Variants in DNAH12 observed in about 807,000 individuals in gnomAD.
DNAH12 encodes axonemal beta dynein heavy chain 12.
DNAH12 carries 285 observed loss-of-function variants against 371.5 expected under a neutral mutation model. The observed-to-expected ratio is 0.77, with a 90% CI of 0.70 to 0.85. The LOEUF is 0.85. DNAH12 is among the 40% of genes least tolerant of loss of function. The pLI is 0.00. For missense variants in DNAH12, 3,611 were observed against 3,689.4 expected (o/e 0.98, Z 0.55); for synonymous variants, 1,200 against 1,213.0 (o/e 0.99, Z 0.22).
chr3:57,459,747 C>T lies in DNAH12; in HGVS notation c.2776G>A (p.Asp926Asn). The T allele has an allele frequency of 6.5e-7, 1 of 1,529,456 alleles. No individual in the cohort carries two copies. Among genetic ancestry groups the T allele is most frequent in the Non-Finnish European group, 8.8e-7 (1 of 1,131,950 alleles). The allele number at this position is 1,529,456 out of a possible 1,614,324, so 94.7% of individuals were successfully genotyped here. ...DRLIRIQETI[D>N]EWLKVQAQWL... ...TGAGCTTGTACTTTTAACCATTCAT[C>T]AATTGTTTCTTGTATTCGAATCAAG... Residue 926 changes from aspartate (D) to asparagine (N), a missense_variant, in exon 20 of 74, where the codon GAT (aspartate) becomes AAT (asparagine). Coordinates refer to ENST00000495027, the MANE Select transcript of DNAH12 (RefSeq NM_001366028.2).
Position 57,407,623 on chromosome 3 carries a change from G to A in DNAH12, c.6276+657C>T, listed in dbSNP as rs918278575. ...ATGAAGCTTCTAGAAAGTGTAGTTT[G>A]GTAAGATCATGACTGACGTGCCTTT... On this transcript the variant is annotated intron_variant, in intron 40 of 73. Coordinates refer to ENST00000495027, the MANE Select transcript of DNAH12 (RefSeq NM_001366028.2). 3.3e-5 allele frequency among the ~76,000 whole-genome samples: 5 copies of A among 152,184 alleles called. No homozygotes were observed. In the South Asian group the frequency reaches 1.0e-3, roughly 32 times the overall value.
At chr3:57,313,348 A>T (rs2061619025) in intron 66 of DNAH12, among the ~76,000 whole-genome samples, 1 of 152,158 alleles carries the variant, frequency 6.6e-6, no homozygotes, top group South Asian at 2.1e-4. Flanking sequence ...ACGTTTAAAA[A>T]AAACAACAAC....
chr3:57,419,494 G>T lies in DNAH12; in HGVS notation c.5587C>A (p.His1863Asn). The change falls in exon 37 of 74, where the codon CAT becomes AAT. Residue 1863 changes from histidine to asparagine, a missense_variant. His to Asn is a moderately conservative substitution (Grantham distance 68). Coordinates refer to ENST00000495027, the MANE Select transcript of DNAH12 (RefSeq NM_001366028.2). Reference sequence around the variant, plus strand: ...GTATTTTTAATTAATTCATTCCAATGGACCCAGCGACCTTTGTTTTTCAAC... The same window carrying T: ...GTATTTTTAATTAATTCATTCCAATTGACCCAGCGACCTTTGTTTTTCAAC... ...YELKNKGRWV[H>N]WNELIKNTNL... is the part of the protein sequence containing the mutation. 1 of 1,457,104 alleles carries T rather than the reference G, an allele frequency of 6.9e-7. No individual in the cohort carries two copies. The highest frequency in any genetic ancestry group is 9.0e-7 in the Non-Finnish European group (1 of 1,105,466). 90.3% of individuals were successfully genotyped at this position (1,457,104 alleles called of 1,614,324 possible).
chr3:57,325,387 C>T (rs927349168), intron 62 of DNAH12, among the ~76,000 whole-genome samples: 15 of 152,164 alleles, frequency 9.9e-5, no homozygotes, highest in Admixed American at 2.0e-4. Context: ...TGCAGAGGAA[C>T]GATCAGATAG....
At chr3:57,473,942 A>T (rs2066444155) in intron 13 of DNAH12, among the ~76,000 whole-genome samples, 1 of 152,176 alleles carries the variant, frequency 6.6e-6, no homozygotes, top group Admixed American at 6.5e-5. Context: ...TTTCTTTTCA[A>T]AAAACGTAGT....
At chr3:57,448,330 G>T (rs1439969967) in intron 25 of DNAH12, among the ~76,000 whole-genome samples, 1 of 152,008 alleles carries the variant, frequency 6.6e-6, no homozygotes, top group Non-Finnish European at 1.5e-5. Flanking sequence ...CAGCTCTTAA[G>T]GCAGCACGTC....
intron 60 of DNAH12, among the ~76,000 whole-genome samples, chr3:57,349,921 C>G (rs1454534388): frequency 6.6e-6 from 1 of 152,192 alleles, no homozygotes; most frequent in Non-Finnish European, 1.5e-5. Flanking sequence ...AGCACCTGAA[C>G]TCAGGCGATC....
intron 66 of DNAH12, among the ~76,000 whole-genome samples, chr3:57,312,198 C>T (rs776665219): frequency 5.3e-5 from 8 of 152,056 alleles, no homozygotes; most frequent in African/African-American, 1.2e-4. Context: ...AAGACTCCCA[C>T]GTTTTGAAGA....
At chr3:57,331,281 G>A (rs780764456) in intron 62 of DNAH12, among the ~76,000 whole-genome samples, 1 of 152,146 alleles carries the variant, frequency 6.6e-6, no homozygotes, top group East Asian at 1.9e-4. Context: ...CCCATCAGGG[G>A]AGCCATTCTG....
chr3:57,405,213 AT>A, intron 41 of DNAH12, 66 bp from the exon 42 acceptor site: 1 of 1,408,134 alleles, frequency 7.1e-7, no homozygotes, highest in South Asian at 1.5e-5. Context: ...AGAAAACAAA[AT>A]TTTTGTTTCA....
rs1253092763 is a variant in DNAH12 at position 57,501,267 on chromosome 3, C to T, written c.1335+54G>A. ...ATTTACTTTTTAGAATGGAAAGATCCTAATGTTACAAAAAAATTCAAAACG... is the reference window on the plus strand; with the variant it reads ...ATTTACTTTTTAGAATGGAAAGATCTTAATGTTACAAAAAAATTCAAAACG... On this transcript the variant is annotated intron_variant, in intron 11 of 73. Transcript: ENST00000495027. 6.0e-6 allele frequency: 8 copies of T among 1,326,852 alleles called. 1 individual carries two copies. The highest frequency in any genetic ancestry group is 4.4e-5 in the African/African-American group (3 of 67,806). 82.2% of individuals were successfully genotyped at this position (1,326,852 alleles called of 1,614,324 possible). A position where few individuals can be genotyped will look rare whatever the true frequency, so the allele number is the denominator to read the frequency against.
intron 45 of DNAH12, among the ~76,000 whole-genome samples, chr3:57,389,763 A>T (rs993414652): frequency 4.4e-4 from 65 of 147,810 alleles, no homozygotes; most frequent in African/African-American, 1.6e-3. Context: ...GAGAAATGAA[A>T]GCATACATAT....
At chr3:57,528,049 A>G (rs2068709254) in intron 2 of DNAH12, among the ~76,000 whole-genome samples, 1 of 151,736 alleles carries the variant, frequency 6.6e-6, no homozygotes, top group African/African-American at 2.4e-5. Context: ...TTTTTTTGAG[A>G]CAGAGTTTCG....
chr3:57,357,615 C>T (rs960864934), intron 58 of DNAH12, among the ~76,000 whole-genome samples: 1 of 152,230 alleles, frequency 6.6e-6, no homozygotes, highest in South Asian at 2.1e-4. Context: ...CAAGTTTAAA[C>T]TTTAGATTAA....
chr3:57,313,450 G>C (rs2061621407), intron 66 of DNAH12, among the ~76,000 whole-genome samples: 1 of 152,086 alleles, frequency 6.6e-6, no homozygotes, highest in Non-Finnish European at 1.5e-5. Context: ...TCAGGAGTTT[G>C]AGACAAGCCT....
chr3:57,424,354 C>A (rs746905359), intron 35 of DNAH12, among the ~76,000 whole-genome samples: 9 of 150,458 alleles, frequency 6.0e-5, no homozygotes, highest in Admixed American at 1.3e-4. Context: ...ACCTGTAATC[C>A]CAGCTACTCG....
rs1575530466 is a variant in DNAH12, at chr3:57,386,608, A to G, written c.7440-5T>C. The G allele has an allele frequency of 1.3e-5, 2 of 152,330 alleles. No homozygotes were observed. The highest frequency in any genetic ancestry group is 6.5e-5 in the Admixed American group (1 of 15,280). 9.4% of individuals were successfully genotyped at this position (152,330 alleles called of 1,614,324 possible). A position where few individuals can be genotyped will look rare whatever the true frequency, so the allele number is the denominator to read the frequency against. ...CGTCCTAACTCATGCAAGAACCTAA[A>G]AGAGAGGCAGGTAACATAGCTCACT... On this transcript the variant is annotated splice_polypyrimidine_tract_variant and splice_region_variant and intron_variant, in intron 46 of 73. Coordinates refer to ENST00000495027, the MANE Select transcript of DNAH12 (RefSeq NM_001366028.2).
At chr3:57,384,222 G>T (rs2063455329) in intron 49 of DNAH12, among the ~76,000 whole-genome samples, 1 of 152,148 alleles carries the variant, frequency 6.6e-6, no homozygotes, top group Non-Finnish European at 1.5e-5. Flanking sequence ...GGTCCAGGAG[G>T]CTGCACACTG....
At chr3:57,334,643 A>C (rs1414165773) in intron 61 of DNAH12, 34 bp from the exon 62 acceptor site, 1 of 1,522,036 alleles carries the variant, frequency 6.6e-7, no homozygotes, top group Non-Finnish European at 8.8e-7. Flanking sequence ...TATTCTTTTT[A>C]TTGGGAAAAA....
Sources: allele counts gnomAD v4.1 joint callset (sites outside exome capture counted in the v4.1 genomes callset), GRCh38; gene constraint gnomAD v4.1.1; transcripts MANE v1.5; gene names NCBI Gene and HGNC (gene_info 2026-07-23, HGNC 2026-07-21).